SLC23A2: variants seen among roughly 807,000 people sequenced by gnomAD.
SLC23A2 encodes Na(+)/L-ascorbic acid transporter 2.
A neutral mutation model predicts 73.3 loss-of-function variants in SLC23A2; 36 were observed. The observed-to-expected ratio is 0.49, with a 90% CI of 0.38 to 0.65. The LOEUF (loss-of-function observed/expected upper bound fraction) is 0.65, where lower values mean the gene tolerates loss of function less well. SLC23A2 is among the 30% of genes least tolerant of loss of function. The probability of loss-of-function intolerance (pLI) is 0.00; values close to 1 mark genes in which losing one functional copy is unlikely to be tolerated. For missense variants in SLC23A2, 507 were observed against 841.6 expected, an observed-to-expected ratio of 0.60 and a Z score of 4.92; for synonymous variants, 343 against 327.3, an observed-to-expected ratio of 1.05 and a Z score of -0.52.
rs187752664 is a variant in SLC23A2, at chr20:4,863,850, G to A, written c.1357-943C>T. ...TCCTCTGAAAAGCATCCCAACTCCA[G>A]GACTATTCCCCCATTATAGGCTCTC... On this transcript the variant is annotated intron_variant, in intron 13 of 16. Transcript: ENST00000338244. This position sits in a 1 kb window ranked among gnomAD's most constrained non-coding sequence, Gnocchi z 4.8. Among the ~76,000 whole-genome samples the A allele has an allele frequency of 1.2e-3, 176 of 152,286 alleles. No individual in the cohort carries two copies. The highest frequency in any genetic ancestry group is 1.5e-3 in the Non-Finnish European group (100 of 68,034).
rs1483461052 is a variant in SLC23A2 at position 4,872,443 on chromosome 20, A to G, written c.1102+1493T>C. Among the ~76,000 whole-genome samples the G allele has an allele frequency of 6.6e-6, 1 of 152,084 alleles. No individual in the cohort carries two copies. The highest frequency in any genetic ancestry group is 1.9e-4 in the East Asian group (1 of 5,182). On this transcript the variant is annotated intron_variant, in intron 11 of 16. Coordinates refer to ENST00000338244, the MANE Select transcript of SLC23A2 (RefSeq NM_005116.6). The surrounding 1 kb of genome is among the most constrained non-coding windows in gnomAD (Gnocchi z 4.4). The stretch of plus-strand genomic sequence containing the variant: ...TCTCGTGTGTGGCCCCATGGGTCCT[A>G]GTGAACTCCCTCTGGCCCCAGCACC...
rs368358837 is a variant in SLC23A2 at position 4,857,887 on chromosome 20, T to G, written c.1721-683A>C. On this transcript the variant is annotated intron_variant, in intron 16 of 16. Coordinates refer to ENST00000338244, the MANE Select transcript of SLC23A2 (RefSeq NM_005116.6). The surrounding 1 kb of genome is among the most constrained non-coding windows in gnomAD (Gnocchi z 4.0). ...CAGAGACTGCAGTGAGCTGAGATCA[T>G]GCCATTGCACTCTAGCCTGGGCAAC... 4.6e-4 allele frequency among the ~76,000 whole-genome samples: 70 copies of G among 152,200 alleles called. 1 individual carries two copies. The East Asian group carries it at 9.1e-3, about 20-fold the overall frequency.
chr20:4,921,603 A>AC (rs1011757459), intron 3 of SLC23A2, among the ~76,000 whole-genome samples: 2 of 134,646 alleles, frequency 1.5e-5, no homozygotes, highest in South Asian at 4.6e-4. Flanking sequence ...AATCACAACC[A>AC]AAAAAAAAAA....
chr20:4,910,843 C>CAA (rs1932116941), intron 4 of SLC23A2, among the ~76,000 whole-genome samples: 1 of 152,082 alleles, frequency 6.6e-6, no homozygotes, highest in Non-Finnish European at 1.5e-5. Context: ...CATTGGTATT[C>CAA]AAGGAAATAC....
In SLC23A2 at chr20:4,867,385, C is replaced by T. The variant is rs145445881; in HGVS notation, c.1356+385G>A. On this transcript the variant is annotated intron_variant, in intron 13 of 16. Transcript: ENST00000338244. ...CAAGCTTCCTGTCCCATGTTTCCCC[C>T]AGTACTTGTCACTGGCTGACATAAT... Among the ~76,000 whole-genome samples, 280 of 152,320 alleles carry T rather than the reference C, an allele frequency of 1.8e-3. 1 individual carries two copies. The highest frequency in any genetic ancestry group is 4.1e-3 in the Admixed American group (62 of 15,304).
chr20:4,885,149 T>C (rs1384655817), intron 7 of SLC23A2, among the ~76,000 whole-genome samples: 1 of 152,216 alleles, frequency 6.6e-6, no homozygotes, highest in Non-Finnish European at 1.5e-5. Flanking sequence ...GCAAGGTTGC[T>C]GGACTGAGGT....
chr20:4,939,052 G>T (rs2087002763), intron 2 of SLC23A2, among the ~76,000 whole-genome samples: 1 of 151,968 alleles, frequency 6.6e-6, no homozygotes, highest in African/African-American at 2.4e-5. Flanking sequence ...GAACAACCTG[G>T]GCAAGATAGC....
At chr20:4,945,090 G>A (rs192370642) in intron 2 of SLC23A2, among the ~76,000 whole-genome samples, 4 of 151,936 alleles carry the variant, frequency 2.6e-5, no homozygotes, top group Non-Finnish European at 4.4e-5. Context: ...CACAGAGTCC[G>A]ACTTCAGGGA....
intron 2 of SLC23A2, among the ~76,000 whole-genome samples, chr20:4,957,003 C>T (rs1444616499): frequency 1.3e-5 from 2 of 151,948 alleles, no homozygotes; most frequent in East Asian, 1.9e-4. Flanking sequence ...GACGGGGTTT[C>T]TCCATGTTAA....
intron 1 of SLC23A2, among the ~76,000 whole-genome samples, chr20:5,000,643 C>G (rs2088103853): frequency 6.6e-6 from 1 of 152,160 alleles, no homozygotes; most frequent in Non-Finnish European, 1.5e-5. Context: ...CGATAATTTC[C>G]CATCAGTCAC....
At chr20:4,894,417 C>T (rs1931443818) in intron 6 of SLC23A2, among the ~76,000 whole-genome samples, 1 of 152,228 alleles carries the variant, frequency 6.6e-6, no homozygotes, top group Non-Finnish European at 1.5e-5. Context: ...AAAAGGAAAA[C>T]TTTCATGCCA....
intron 2 of SLC23A2, among the ~76,000 whole-genome samples, chr20:4,950,382 A>T (rs1055163863): frequency 1.3e-5 from 2 of 152,210 alleles, no homozygotes; most frequent in African/African-American, 4.8e-5. Context: ...TTCAGATCTC[A>T]AGGTAGGAGT....
intron 2 of SLC23A2, among the ~76,000 whole-genome samples, chr20:4,941,686 G>A (rs866364412): frequency 4.6e-5 from 7 of 151,334 alleles, no homozygotes; most frequent in African/African-American, 1.5e-4. Context: ...TGGGTGACAG[G>A]GTGAGACTCT....
intron 1 of SLC23A2, among the ~76,000 whole-genome samples, chr20:5,006,660 C>G (rs1486109327): frequency 6.6e-6 from 1 of 151,770 alleles, no homozygotes; most frequent in Admixed American, 6.6e-5. Flanking sequence ...CCTGCCTCAG[C>G]CTCCCAAATA....
chr20:4,993,961 A>T (rs994097280), intron 1 of SLC23A2, among the ~76,000 whole-genome samples: 1 of 152,016 alleles, frequency 6.6e-6, no homozygotes, highest in Non-Finnish European at 1.5e-5. Flanking sequence ...GTAGTGGTAC[A>T]TGCCTGTAGT....
At chr20:4,942,185 G>A (rs1463780157) in intron 2 of SLC23A2, among the ~76,000 whole-genome samples, 1 of 152,082 alleles carries the variant, frequency 6.6e-6, no homozygotes, top group Admixed American at 6.6e-5. Context: ...TTTCTGCTGT[G>A]AGCTCAGGAT....
At chr20:4,895,923 G>A (rs1931501688) in intron 6 of SLC23A2, among the ~76,000 whole-genome samples, 1 of 152,206 alleles carries the variant, frequency 6.6e-6, no homozygotes, top group South Asian at 2.1e-4. Context: ...TCACGGAGGA[G>A]TTGGCCATTT....
rs141217234 is a variant in SLC23A2, at chr20:4,954,663, C to T, written c.-155+16130G>A. 1.9e-3 allele frequency among the ~76,000 whole-genome samples: 274 copies of T among 140,532 alleles called. 1 individual carries two copies. The Middle Eastern group carries it at 0.024, about 12-fold the overall frequency. The allele number at this position is 140,532 out of a possible 152,430, so 92.2% of individuals were successfully genotyped here. A position where few individuals can be genotyped will look rare whatever the true frequency, so the allele number is the denominator to read the frequency against. On this transcript the variant is annotated intron_variant, in intron 2 of 16. Coordinates refer to ENST00000338244, the MANE Select transcript of SLC23A2 (RefSeq NM_005116.6). ...CAGTTGAGCCGAGATTGTGCCATTG[C>T]ACTCCAGCCTGGGTGACAGAGCAAG... is the stretch of plus-strand genomic sequence containing the variant.
intron 1 of SLC23A2, among the ~76,000 whole-genome samples, chr20:4,982,141 T>C (rs1164107794): frequency 2.0e-5 from 3 of 151,676 alleles, no homozygotes; most frequent in African/African-American, 7.3e-5. Flanking sequence ...ATTACAGGCG[T>C]GTATCACCAC....
Sources: allele counts gnomAD v4.1 joint callset (sites outside exome capture counted in the v4.1 genomes callset), GRCh38; gene constraint gnomAD v4.1.1; non-coding constraint Gnocchi (gnomAD v3.1); transcripts MANE v1.5; gene names NCBI Gene and HGNC (gene_info 2026-07-23, HGNC 2026-07-21).